Variants in UST observed in about 807,000 individuals in gnomAD.
UST encodes chondroitin sulfate 2-O-sulfotransferase.
Under a neutral mutation model 45.6 loss-of-function variants are expected in UST, and 21 were observed. That is an observed-to-expected ratio of 0.46 (90% CI 0.33 to 0.66). The LOEUF is 0.66. UST is among the 30% of genes least tolerant of loss of function. The pLI, the probability that UST is intolerant of heterozygous loss-of-function variation, is 0.02. For missense variants in UST, 463 were observed against 512.4 expected, an observed-to-expected ratio of 0.90 and a Z score of 0.93; for synonymous variants, 215 against 200.6, an observed-to-expected ratio of 1.07 and a Z score of -0.61.
At chr6:149,013,647 C>CAGCTAATTAATCTTGG (rs1224491562) in intron 5 of UST, among the ~76,000 whole-genome samples, 7 of 152,314 alleles carry the variant, frequency 4.6e-5, no homozygotes, top group African/African-American at 1.4e-4. Context: ...TGAGGACACC[C>CAGCTAATTAATCTTGG]AGCTAATTAA....
intron 1 of UST, among the ~76,000 whole-genome samples, chr6:148,793,969 A>T (rs1776900991): frequency 6.6e-6 from 1 of 152,142 alleles, no homozygotes; most frequent in Admixed American, 6.5e-5. Flanking sequence ...ACATCAGCGC[A>T]TATTTCTGTT....
intron 1 of UST, among the ~76,000 whole-genome samples, chr6:148,799,361 T>A (rs958660549): frequency 6.6e-6 from 1 of 152,182 alleles, no homozygotes; most frequent in Admixed American, 6.5e-5. Flanking sequence ...AGCTCCCTGA[T>A]GGCCAAGGCA....
intron 5 of UST, among the ~76,000 whole-genome samples, chr6:149,003,945 A>G (rs1426004667): frequency 6.6e-6 from 1 of 152,218 alleles, no homozygotes; most frequent in East Asian, 1.9e-4. Flanking sequence ...TAATCAAGGA[A>G]TTGACACGCT....
intron 1 of UST, among the ~76,000 whole-genome samples, chr6:148,865,144 C>G (rs906583764): frequency 6.6e-6 from 1 of 152,096 alleles, no homozygotes; most frequent in Non-Finnish European, 1.5e-5. Flanking sequence ...TACAGTACTT[C>G]GATGACTCCA....
chr6:148,991,695 A>G (rs1781357253), intron 5 of UST, among the ~76,000 whole-genome samples: 1 of 152,170 alleles, frequency 6.6e-6, no homozygotes, highest in South Asian at 2.1e-4. Flanking sequence ...AGACCCATTG[A>G]GAAATCTTGT....
At chr6:148,863,213 T>C (rs558942689) in intron 1 of UST, among the ~76,000 whole-genome samples, 57 of 152,200 alleles carry the variant, frequency 3.7e-4, no homozygotes, top group Admixed American at 9.2e-4. Flanking sequence ...CTCTTTTTTC[T>C]CTAAACTTCT....
rs548085879 is a variant in UST, at chr6:148,778,435, C to A, written c.247+30758C>A. On this transcript the variant is annotated intron_variant, in intron 1 of 7. Coordinates refer to ENST00000367463, the MANE Select transcript of UST (RefSeq NM_005715.3). ...AAGTCCTGAGTGAGGATCCAGGGCC[C>A]AGGCAGACATACTAGGGCCTTGTGG... 5.3e-5 allele frequency among the ~76,000 whole-genome samples: 8 copies of A among 152,304 alleles called. No individual in the cohort carries two copies. In the East Asian group the frequency reaches 1.3e-3, roughly 26 times the overall value.
chr6:148,977,766 A>G (rs887107900), intron 5 of UST, among the ~76,000 whole-genome samples: 10 of 151,266 alleles, frequency 6.6e-5, no homozygotes, highest in South Asian at 6.3e-4. Context: ...AAAAAAAAAA[A>G]AAAAAGAAAA....
chr6:148,795,512 A>T (rs1356271408), intron 1 of UST, among the ~76,000 whole-genome samples: 1 of 152,192 alleles, frequency 6.6e-6, no homozygotes, highest in African/African-American at 2.4e-5. Flanking sequence ...TGGGCAGGGC[A>T]CATTACTAAG....
intron 1 of UST, among the ~76,000 whole-genome samples, chr6:148,759,612 G>A (rs1156402100): frequency 6.6e-6 from 1 of 151,870 alleles, no homozygotes; most frequent in Admixed American, 6.6e-5. Context: ...TCCCTGGGAG[G>A]CCGAGGCGGA....
Position 149,073,942 on chromosome 6 carries a change from C to A in UST, c.1047C>A (p.His349Gln), listed in dbSNP as rs1309125193. ...TGAGATACGAGTACGAGTTTTACCA[C>A]TACGTCAAAGAGCAGTTCCACCTGC... ...QRMRYEYEFY[H>Q]YVKEQFHLLK... Residue 349 changes from histidine to glutamine, a missense_variant, in exon 8 of 8, where the codon CAC (histidine) becomes CAA (glutamine). Physicochemically the swap from His to Gln is conservative, Grantham distance 24 (BLOSUM62 0). This residue lies in a region of UST where 287 missense variants were observed against 374.2 expected (regional missense o/e 0.77). Coordinates refer to ENST00000367463, the MANE Select transcript of UST (RefSeq NM_005715.3). 2 of 1,614,196 alleles carry A rather than the reference C, an allele frequency of 1.2e-6. No individual in the cohort carries two copies. Among genetic ancestry groups the A allele is most frequent in the South Asian group, 2.2e-5 (2 of 91,086 alleles).
intron 2 of UST, among the ~76,000 whole-genome samples, chr6:148,933,453 G>C (rs909795361): frequency 1.3e-5 from 2 of 152,154 alleles, no homozygotes; most frequent in African/African-American, 4.8e-5. Context: ...GTTTCAAGTG[G>C]GAACAGGGGA....
At chr6:148,783,801 G>C (rs1393631313) in intron 1 of UST, among the ~76,000 whole-genome samples, 2 of 152,190 alleles carry the variant, frequency 1.3e-5, no homozygotes, top group African/African-American at 4.8e-5. Context: ...CATCCTTGCA[G>C]TAGTAAGGTT....
Position 148,863,288 on chromosome 6 carries a change from T to C in UST, c.248-23698T>C, listed in dbSNP as rs1778355805. Reference sequence around the variant, plus strand: ...ATACCCTTTCTTCCACTTGATCGAATTGGCTACTGAAGCTTGTGCATGCAT... The same window carrying C: ...ATACCCTTTCTTCCACTTGATCGAACTGGCTACTGAAGCTTGTGCATGCAT... On this transcript the variant is annotated intron_variant, in intron 1 of 7. Coordinates refer to ENST00000367463, the MANE Select transcript of UST (RefSeq NM_005715.3). Among the ~76,000 whole-genome samples, 5 of 152,242 alleles carry C rather than the reference T, an allele frequency of 3.3e-5. 1 individual carries two copies. The South Asian group carries it at 1.0e-3, about 31-fold the overall frequency.
At chr6:148,833,952 G>A (rs558556118) in intron 1 of UST, among the ~76,000 whole-genome samples, 2 of 152,298 alleles carry the variant, frequency 1.3e-5, no homozygotes, top group African/African-American at 2.4e-5. Context: ...CTGTGAAATG[G>A]TTGATTTTGA....
At chr6:148,917,025 C>G (rs898586262) in intron 2 of UST, among the ~76,000 whole-genome samples, 2 of 152,268 alleles carry the variant, frequency 1.3e-5, no homozygotes, top group Non-Finnish European at 2.9e-5. Flanking sequence ...CATGGCCTAG[C>G]CTTGTGCAGT....
chr6:148,947,787 C>A (rs1162086767), intron 3 of UST, among the ~76,000 whole-genome samples: 5 of 152,184 alleles, frequency 3.3e-5, no homozygotes, highest in Non-Finnish European at 5.9e-5. Context: ...AGTGCTCCAA[C>A]TGGACCTTAG....
chr6:148,851,070 C>G (rs936210585), intron 1 of UST, among the ~76,000 whole-genome samples: 7 of 152,148 alleles, frequency 4.6e-5, no homozygotes, highest in Admixed American at 2.0e-4. Context: ...GCTTCCTGCT[C>G]TTGTTTGGAG....
chr6:148,954,629 G>A (rs866999774), intron 4 of UST, among the ~76,000 whole-genome samples: 2 of 152,152 alleles, frequency 1.3e-5, no homozygotes, highest in Non-Finnish European at 2.9e-5. Context: ...TGCCATCGAG[G>A]TTTGTGTATG....
Sources: allele counts gnomAD v4.1 joint callset (sites outside exome capture counted in the v4.1 genomes callset), GRCh38; gene constraint gnomAD v4.1.1; regional missense constraint gnomAD v4.1.1; transcripts MANE v1.5; gene names NCBI Gene and HGNC (gene_info 2026-07-23, HGNC 2026-07-21).